The following KHDRBS2 variants were observed in gnomAD, a reference collection of about 807,000 sequenced individuals.
The protein encoded by KHDRBS2 is KH domain-containing, RNA-binding, signal transduction-associated protein 2.
KHDRBS2 carries 26 observed loss-of-function variants against 44.3 expected under a neutral mutation model. The ratio of observed to expected loss-of-function variants is 0.59; its 90% CI spans 0.43 to 0.81. The LOEUF (loss-of-function observed/expected upper bound fraction) is 0.81. Among genes scored for constraint, KHDRBS2 ranks in the 40% least tolerant of loss-of-function variants. KHDRBS2 has a pLI of 0.00. For missense variants in KHDRBS2, 476 were observed against 433.1 expected (o/e 1.10, Z -0.88); for synonymous variants, 194 against 151.1 (o/e 1.28, Z -2.08).
chr6:62,191,259 C>G (rs1442478599), intron 1 of KHDRBS2, among the ~76,000 whole-genome samples: 1 of 152,124 alleles, frequency 6.6e-6, no homozygotes, highest in African/African-American at 2.4e-5. Flanking sequence ...TTCTAGTCTT[C>G]TTTCTTGCCA....
chr6:62,278,887 G>A (rs1165691437), intron 1 of KHDRBS2, among the ~76,000 whole-genome samples: 1 of 152,132 alleles, frequency 6.6e-6, no homozygotes, highest in Non-Finnish European at 1.5e-5. Context: ...GAGGTCAGGA[G>A]ATTGAGACCA....
At chr6:61,782,117 G>T (rs1783026402) in intron 6 of KHDRBS2, among the ~76,000 whole-genome samples, 1 of 152,124 alleles carries the variant, frequency 6.6e-6, no homozygotes, top group African/African-American at 2.4e-5. Context: ...GTGTTGATTG[G>T]CTGGGGATAT....
chr6:61,607,799 T>C, the KHDRBS2 span, among the ~76,000 whole-genome samples: 1 of 152,110 alleles, frequency 6.6e-6, no homozygotes, highest in South Asian at 2.1e-4. Flanking sequence ...GCAATTCTCC[T>C]GCCTCAGCCT....
the KHDRBS2 span, among the ~76,000 whole-genome samples, chr6:61,571,209 G>C: frequency 8.1e-4 from 123 of 152,048 alleles, 4 homozygotes; most frequent in South Asian, 0.021. Context: ...ATAAACTTAT[G>C]GTAAAGGGGT....
chr6:61,931,168 T>G lies in KHDRBS2; in HGVS notation c.484-29797A>C, dbSNP rs546790194. ...TAAGAAGTTTCATCCAAAATACTAC[T>G]TACGCATCTTCACTGAAAATCACTA... is the stretch of plus-strand genomic sequence containing the variant. On this transcript the variant is annotated intron_variant, in intron 4 of 8. Transcript: ENST00000281156. Among the ~76,000 whole-genome samples the G allele has an allele frequency of 1.2e-4, 18 of 152,158 alleles. No individual in the cohort carries two copies. In the South Asian group the frequency reaches 2.5e-3, roughly 21 times the overall value.
intron 4 of KHDRBS2, among the ~76,000 whole-genome samples, chr6:61,938,292 G>T (rs1488926219): frequency 1.3e-5 from 2 of 152,084 alleles, no homozygotes; most frequent in Non-Finnish European, 2.9e-5. Context: ...AGGTTTCATG[G>T]AATAGTTAGA....
the KHDRBS2 span, among the ~76,000 whole-genome samples, chr6:61,655,239 C>CAT: frequency 6.6e-6 from 1 of 151,402 alleles, no homozygotes; most frequent in East Asian, 2.0e-4. Context: ...CACACACACA[C>CAT]ACACACACAC....
At chr6:62,002,412 T>A (rs1778423515) in intron 3 of KHDRBS2, among the ~76,000 whole-genome samples, 1 of 151,846 alleles carries the variant, frequency 6.6e-6, no homozygotes, top group Non-Finnish European at 1.5e-5. Flanking sequence ...AAATATATTT[T>A]CAAATGTGTT....
intron 8 of KHDRBS2, among the ~76,000 whole-genome samples, chr6:61,684,898 T>A (rs938743092): frequency 2.0e-5 from 3 of 151,130 alleles, no homozygotes; most frequent in African/African-American, 7.3e-5. Context: ...ATAAGAAATA[T>A]TAGATAAATT....
intron 6 of KHDRBS2, among the ~76,000 whole-genome samples, chr6:61,761,820 A>G (rs182364160): frequency 1.7e-3 from 259 of 152,296 alleles, no homozygotes; most frequent in Non-Finnish European, 2.9e-3. Context: ...AATTTGCACA[A>G]CTAAATTAGG....
chr6:62,063,946 A>T (rs1359019671), intron 2 of KHDRBS2, among the ~76,000 whole-genome samples: 1 of 147,142 alleles, frequency 6.8e-6, no homozygotes. Flanking sequence ...AGGATACAAA[A>T]TCAATGTACA....
intron 6 of KHDRBS2, among the ~76,000 whole-genome samples, chr6:61,848,121 C>T (rs1460394316): frequency 1.3e-5 from 2 of 151,802 alleles, no homozygotes; most frequent in Non-Finnish European, 2.9e-5. Flanking sequence ...GCTTGAGTAT[C>T]ATAATTGCCA....
intron 1 of KHDRBS2, among the ~76,000 whole-genome samples, chr6:62,220,700 G>A (rs184942627): frequency 1.3e-5 from 2 of 151,668 alleles, no homozygotes; most frequent in Admixed American, 1.3e-4. Context: ...TAAGAACATA[G>A]AGATTTATAA....
At chr6:61,726,528 A>G (rs1395955318) in intron 7 of KHDRBS2, among the ~76,000 whole-genome samples, 1 of 152,120 alleles carries the variant, frequency 6.6e-6, no homozygotes, top group African/African-American at 2.4e-5. Context: ...AAAACTCATC[A>G]TCTCAGCCAA....
At chr6:61,646,210 A>T in the KHDRBS2 span, among the ~76,000 whole-genome samples, 1 of 152,160 alleles carries the variant, frequency 6.6e-6, no homozygotes, top group Admixed American at 6.6e-5. Context: ...CATAATGGCA[A>T]TCTTTCTTTC....
intron 4 of KHDRBS2, among the ~76,000 whole-genome samples, chr6:61,972,576 C>A (rs549225747): frequency 6.6e-6 from 1 of 152,288 alleles, no homozygotes; most frequent in African/African-American, 2.4e-5. Context: ...TATGAGGGAA[C>A]TCTTGACAAC....
chr6:62,164,075 T>C (rs1818190548), intron 2 of KHDRBS2, among the ~76,000 whole-genome samples: 1 of 151,950 alleles, frequency 6.6e-6, no homozygotes, highest in South Asian at 2.1e-4. Flanking sequence ...TTTACATTCA[T>C]AATAGATTTT....
chr6:62,071,898 G>A (rs1461591069), intron 2 of KHDRBS2, among the ~76,000 whole-genome samples: 1 of 152,120 alleles, frequency 6.6e-6, no homozygotes, highest in Admixed American at 6.6e-5. Flanking sequence ...GTAGCTTGAT[G>A]GGGATGGCAT....
intron 6 of KHDRBS2, among the ~76,000 whole-genome samples, chr6:61,837,485 C>G (rs1160166057): frequency 1.3e-5 from 2 of 151,924 alleles, no homozygotes; most frequent in Non-Finnish European, 2.9e-5. Flanking sequence ...AAATAAGCAG[C>G]AAGCTTTATT....
Sources: allele counts gnomAD v4.1 joint callset (sites outside exome capture counted in the v4.1 genomes callset), GRCh38; gene constraint gnomAD v4.1.1; transcripts MANE v1.5; gene names NCBI Gene and HGNC (gene_info 2026-07-23, HGNC 2026-07-21).